The following RAB28 variants were observed in gnomAD, a reference collection of about 807,000 sequenced individuals.
The protein encoded by RAB28 is RAB28, member RAS oncogene family.
In RAB28, 24 loss-of-function variants were observed where a neutral mutation model predicts 31.7. The observed-to-expected ratio is 0.76, with a 90% confidence interval of 0.55 to 1.06. RAB28 has a LOEUF of 1.06. Ranked by LOEUF, RAB28 falls within the 50% of genes least tolerant of loss-of-function variation. RAB28 has a pLI of 0.00. For missense variants in RAB28, 254 were observed against 258.5 expected (o/e 0.98, Z 0.12); for synonymous variants, 100 against 90.4 (o/e 1.11, Z -0.60).
intron 4 of RAB28, among the ~76,000 whole-genome samples, chr4:13,418,474 A>G (rs1712927134): frequency 2.0e-5 from 3 of 152,198 alleles, no homozygotes; most frequent in Admixed American, 2.0e-4. Flanking sequence ...GGTTGAAATG[A>G]AGGAAAAAAT....
intron 4 of RAB28, among the ~76,000 whole-genome samples, chr4:13,453,722 T>C (rs1385707548): frequency 6.6e-6 from 1 of 152,160 alleles, no homozygotes; most frequent in African/African-American, 2.4e-5. Flanking sequence ...GCAATTCCCT[T>C]ATATGTGACT....
chr4:13,371,783 T>C (rs1232835004), intron 6 of RAB28: 3 of 1,546,778 alleles, frequency 1.9e-6, no homozygotes, highest in East Asian at 2.4e-5. Context: ...ATGTTACCTA[T>C]AAAATACCAA....
rs1480480878 is a variant in RAB28 at position 13,444,034 on chromosome 4, C to CT, written c.391+16664dup. On this transcript the variant is annotated intron_variant, in intron 4 of 6. Transcript: ENST00000330852. ...CAGGATTTCCTTTTTTTTTTTTTTT[C>CT]TTTTTTTTATCATGACGGAGTCTCG... Among the ~76,000 whole-genome samples, 407 of 107,556 alleles carry CT rather than the reference C, an allele frequency of 3.8e-3. 2 individuals carry two copies. Among genetic ancestry groups the CT allele is most frequent in the Admixed American group, 0.01 (102 of 10,080 alleles). The allele number at this position is 107,556 out of a possible 152,430, so 70.6% of individuals were successfully genotyped here. A position where few individuals can be genotyped will look rare whatever the true frequency, so the allele number is the denominator to read the frequency against.
intron 4 of RAB28, among the ~76,000 whole-genome samples, chr4:13,431,046 G>A (rs1475357577): frequency 6.6e-6 from 1 of 152,136 alleles, no homozygotes; most frequent in Non-Finnish European, 1.5e-5. Flanking sequence ...AGTGTCTTTT[G>A]TGCTTTTCAT....
At chr4:13,476,512 T>C (rs1470074071) in intron 2 of RAB28, among the ~76,000 whole-genome samples, 1 of 151,582 alleles carries the variant, frequency 6.6e-6, no homozygotes, top group Non-Finnish European at 1.5e-5. Flanking sequence ...TTCTTATATC[T>C]AGAAATATAT....
At chr4:13,436,112 ATCATC>A (rs1714089843) in intron 4 of RAB28, among the ~76,000 whole-genome samples, 1 of 152,202 alleles carries the variant, frequency 6.6e-6, no homozygotes, top group Non-Finnish European at 1.5e-5. Context: ...AAACCATATG[ATCATC>A]TCAATAGATT....
intron 4 of RAB28, among the ~76,000 whole-genome samples, chr4:13,403,103 A>C (rs1406798292): frequency 3.3e-5 from 5 of 152,032 alleles, no homozygotes; most frequent in Non-Finnish European, 7.4e-5. Context: ...ACCCTGGCTC[A>C]CATATTCTTT....
chr4:13,388,967 G>A (rs561822629), intron 4 of RAB28, among the ~76,000 whole-genome samples: 8 of 152,180 alleles, frequency 5.3e-5, no homozygotes, highest in Non-Finnish European at 1.0e-4. Context: ...CCAAAGAACT[G>A]AATGCAGGGT....
Position 13,431,831 on chromosome 4 carries a change from C to T in RAB28, c.391+28868G>A, listed in dbSNP as rs143326543. On this transcript the variant is annotated intron_variant, in intron 4 of 6. Transcript: ENST00000330852. ...CAACAGCAAATACAAAAATAAGAAG[C>T]GACAATACCTCAGATGAGAAGGAAT... Among the ~76,000 whole-genome samples, 1,088 of 151,956 alleles carry T rather than the reference C, an allele frequency of 7.2e-3. 10 individuals carry two copies. The highest frequency in any genetic ancestry group is 0.011 in the Non-Finnish European group (760 of 67,986).
chr4:13,428,849 C>T (rs1713653390), intron 4 of RAB28, among the ~76,000 whole-genome samples: 1 of 151,282 alleles, frequency 6.6e-6, no homozygotes, highest in African/African-American at 2.4e-5. Flanking sequence ...CTACATATAT[C>T]ATAATAACAC....
chr4:13,399,495 A>G (rs76069328), intron 4 of RAB28, among the ~76,000 whole-genome samples: 7,138 of 152,306 alleles, frequency 0.047, 245 homozygotes, highest in Non-Finnish European at 0.076. Flanking sequence ...TGAATGTTCA[A>G]CTTTGCAGAA....
At chr4:13,389,907 C>A (rs1357269559) in intron 4 of RAB28, among the ~76,000 whole-genome samples, 1 of 152,116 alleles carries the variant, frequency 6.6e-6, no homozygotes, top group Non-Finnish European at 1.5e-5. Context: ...TGGAACGTAT[C>A]TCAAAACAAT....
At chr4:13,398,204 TTG>T (rs1039486990) in intron 4 of RAB28, among the ~76,000 whole-genome samples, 5 of 152,252 alleles carry the variant, frequency 3.3e-5, no homozygotes, top group African/African-American at 1.2e-4. Context: ...TGTAAAAAAT[TTG>T]TGCATATATC....
chr4:13,370,789 C>G, intron 6 of RAB28: 4 of 981,286 alleles, frequency 4.1e-6, no homozygotes, highest in Non-Finnish European at 4.8e-6. Flanking sequence ...AAAAAAATCA[C>G]AAGGTACAAT....
intron 4 of RAB28, among the ~76,000 whole-genome samples, chr4:13,386,583 A>C (rs990810353): frequency 6.6e-6 from 1 of 152,154 alleles, no homozygotes; most frequent in Non-Finnish European, 1.5e-5. Flanking sequence ...CAGAATGGAA[A>C]AACCCAAAAA....
At chr4:13,460,039 G>T in intron 4 of RAB28, 2 of 524,688 alleles carry the variant, frequency 3.8e-6, no homozygotes, top group Non-Finnish European at 6.3e-6. Flanking sequence ...TGAAAAGATT[G>T]TACACACTCT....
intron 6 of RAB28, among the ~76,000 whole-genome samples, chr4:13,375,758 A>C (rs1728893523): frequency 6.7e-6 from 1 of 149,920 alleles, no homozygotes; most frequent in Non-Finnish European, 1.5e-5. Context: ...ATTTGCTTCA[A>C]TTGTTTTAAA....
intron 5 of RAB28, among the ~76,000 whole-genome samples, chr4:13,377,815 G>A (rs1245679735): frequency 1.3e-5 from 2 of 152,216 alleles, no homozygotes; most frequent in African/African-American, 2.4e-5. Context: ...CAGTCATCAG[G>A]TTCTGGATAT....
chr4:13,378,946 C>G (rs542780155), intron 5 of RAB28, among the ~76,000 whole-genome samples: 2 of 152,208 alleles, frequency 1.3e-5, no homozygotes, highest in East Asian at 3.9e-4. Context: ...TGCATTGGCT[C>G]ACACCTGTAA....
Sources: allele counts gnomAD v4.1 joint callset (sites outside exome capture counted in the v4.1 genomes callset), GRCh38; gene constraint gnomAD v4.1.1; transcripts MANE v1.5; gene names NCBI Gene and HGNC (gene_info 2026-07-23, HGNC 2026-07-21).